Variants in ALK observed in about 807,000 individuals in gnomAD.
The protein encoded by ALK is ALK receptor tyrosine kinase.
ALK carries 74 observed loss-of-function variants against 163.1 expected under a neutral mutation model. The observed-to-expected ratio is 0.45, with a 90% CI of 0.38 to 0.55. The LOEUF (loss-of-function observed/expected upper bound fraction) is 0.55, where lower values mean the gene tolerates loss of function less well. Ranked by LOEUF, ALK falls within the 20% of genes least tolerant of loss-of-function variation. The probability of loss-of-function intolerance (pLI) is 0.00; values close to 1 mark genes in which losing one functional copy is unlikely to be tolerated. For synonymous variants in ALK, 960 were observed against 843.2 expected, an observed-to-expected ratio of 1.14 and a Z score of -2.40; for missense variants, 2,063 against 2,105.3, an observed-to-expected ratio of 0.98 and a Z score of 0.39.
chr2:29,891,270 A>C lies in ALK; in HGVS notation c.667+28723T>G, dbSNP rs1206377790. 2.0e-5 allele frequency among the ~76,000 whole-genome samples: 3 copies of C among 152,222 alleles called. No homozygotes were observed. The East Asian group carries it at 5.8e-4, about 29-fold the overall frequency. On this transcript the variant is annotated intron_variant, in intron 1 of 28. Coordinates refer to ENST00000389048, the MANE Select transcript of ALK (RefSeq NM_004304.5). ...GCTCATCTTCTTCAAGAGTGTTAAC[A>C]ATGATTAGGCATGCACAGTTTAAGG... is the stretch of plus-strand genomic sequence containing the variant.
intron 3 of ALK, among the ~76,000 whole-genome samples, chr2:29,648,815 A>G (rs1416189107): frequency 6.6e-6 from 1 of 152,132 alleles, no homozygotes; most frequent in Non-Finnish European, 1.5e-5. Flanking sequence ...TTGATGTGGC[A>G]TATCCTTCAG....
chr2:29,734,450 G>A (rs1400132023), intron 1 of ALK, among the ~76,000 whole-genome samples: 1 of 152,054 alleles, frequency 6.6e-6, no homozygotes. Flanking sequence ...CAGATGGCAC[G>A]GAAGCCTTTA....
At chr2:29,714,705 C>T (rs145554821) in intron 2 of ALK, among the ~76,000 whole-genome samples, 1 of 152,312 alleles carries the variant, frequency 6.6e-6, no homozygotes, top group South Asian at 2.1e-4. Context: ...AGAACGATCC[C>T]TTCAGGCAGC....
chr2:29,825,040 G>C (rs951610111), intron 1 of ALK, among the ~76,000 whole-genome samples: 1 of 152,144 alleles, frequency 6.6e-6, no homozygotes, highest in South Asian at 2.1e-4. Context: ...AGTGAGTAAG[G>C]CTCATGAGAT....
At chr2:29,486,743 G>A (rs1671784098) in intron 4 of ALK, among the ~76,000 whole-genome samples, 1 of 152,144 alleles carries the variant, frequency 6.6e-6, no homozygotes, top group Non-Finnish European at 1.5e-5. Context: ...TATTATTTAT[G>A]AGGGATAATT....
At chr2:29,593,095 G>A (rs979249067) in intron 3 of ALK, among the ~76,000 whole-genome samples, 3 of 152,234 alleles carry the variant, frequency 2.0e-5, no homozygotes, top group African/African-American at 7.2e-5. Context: ...ATTGGACAGA[G>A]GGGTATGGAC....
intron 5 of ALK, among the ~76,000 whole-genome samples, chr2:29,337,050 C>A (rs1457918994): frequency 1.3e-5 from 2 of 152,098 alleles, no homozygotes; most frequent in Non-Finnish European, 1.5e-5. Context: ...TCTCAACAGC[C>A]TCAAGACATG....
chr2:29,837,257 A>T (rs1437489516), intron 1 of ALK, among the ~76,000 whole-genome samples: 1 of 152,168 alleles, frequency 6.6e-6, no homozygotes, highest in East Asian at 1.9e-4. Flanking sequence ...GACATCACAA[A>T]AGAAGGCCAA....
intron 3 of ALK, among the ~76,000 whole-genome samples, chr2:29,665,534 A>G (rs1677487892): frequency 6.6e-6 from 1 of 151,982 alleles, no homozygotes; most frequent in Admixed American, 6.6e-5. Context: ...CATAGCAGGT[A>G]CTAAATAACT....
At chr2:29,385,118 C>T (rs1417909674) in intron 4 of ALK, among the ~76,000 whole-genome samples, 1 of 94,842 alleles carries the variant, frequency 1.1e-5, no homozygotes, top group African/African-American at 3.7e-5. Flanking sequence ...CAATATTTCA[C>T]ATTTTTTTTT....
At chr2:29,353,769 C>G (rs758363951) in intron 5 of ALK, among the ~76,000 whole-genome samples, 15 of 151,928 alleles carry the variant, frequency 9.9e-5, no homozygotes, top group Non-Finnish European at 1.9e-4. Flanking sequence ...TAGGTTGAAC[C>G]AGATGAAACT....
intron 3 of ALK, among the ~76,000 whole-genome samples, chr2:29,597,129 C>CTT (rs1254612079): frequency 6.6e-6 from 1 of 152,176 alleles, no homozygotes; most frequent in Non-Finnish European, 1.5e-5. Flanking sequence ...CAACCGCATT[C>CTT]TTTAAGGCCA....
chr2:29,561,664 T>G (rs1013575601), intron 3 of ALK, among the ~76,000 whole-genome samples: 1 of 152,226 alleles, frequency 6.6e-6, no homozygotes, highest in Non-Finnish European at 1.5e-5. Flanking sequence ...TAAAACCATC[T>G]AGGAGGATCT....
intron 4 of ALK, among the ~76,000 whole-genome samples, chr2:29,507,242 G>A (rs909249430): frequency 6.6e-6 from 1 of 152,184 alleles, no homozygotes; most frequent in Non-Finnish European, 1.5e-5. Flanking sequence ...AATGAACCTT[G>A]AGCACATTAT....
chr2:29,581,045 G>A (rs1299060778), intron 3 of ALK, among the ~76,000 whole-genome samples: 1 of 152,154 alleles, frequency 6.6e-6, no homozygotes, highest in Admixed American at 6.5e-5. Flanking sequence ...CCAAAGCCTG[G>A]CATCAAGATT....
At chr2:29,620,715 A>T (rs1177993698) in intron 3 of ALK, among the ~76,000 whole-genome samples, 2 of 152,180 alleles carry the variant, frequency 1.3e-5, no homozygotes, top group African/African-American at 4.8e-5. Context: ...CTTCACATCT[A>T]ACTTAAACCG....
chr2:29,245,362 C>T (rs1431155537), intron 12 of ALK, among the ~76,000 whole-genome samples: 14 of 106,016 alleles, frequency 1.3e-4, no homozygotes, highest in South Asian at 6.8e-4. Context: ...AGTAGGGGCT[C>T]CATGGCTCAG....
At chr2:29,409,497 C>T (rs1348868970) in intron 4 of ALK, among the ~76,000 whole-genome samples, 1 of 152,114 alleles carries the variant, frequency 6.6e-6, no homozygotes, top group Non-Finnish European at 1.5e-5. Context: ...TACACGGAGC[C>T]CCCTTCAATC....
chr2:29,425,974 T>A (rs992612994), intron 4 of ALK, among the ~76,000 whole-genome samples: 1 of 152,000 alleles, frequency 6.6e-6, no homozygotes, highest in Non-Finnish European at 1.5e-5. Context: ...CTTCAAAGAG[T>A]GGCCTCAAAA....
Sources: gnomAD v4.1 joint callset for allele counts (sites outside exome capture counted in the v4.1 genomes callset) on GRCh38, gnomAD v4.1.1 for gene constraint, MANE v1.5 for transcripts, NCBI Gene and HGNC (gene_info 2026-07-23, HGNC 2026-07-21) for gene names.